The following CDH13 variants were observed in gnomAD, a reference collection of about 807,000 sequenced individuals.
CDH13 encodes cadherin 13, also known as cadherin-13.
In CDH13, 24 loss-of-function variants were observed where a neutral mutation model predicts 63.8. The observed-to-expected ratio is 0.38, with a 90% confidence interval of 0.27 to 0.53. CDH13 has a LOEUF of 0.53. Ranked by LOEUF, CDH13 falls within the 20% of genes least tolerant of loss-of-function variation. The probability of loss-of-function intolerance (pLI) is 0.85; values close to 1 mark genes in which losing one functional copy is unlikely to be tolerated. For missense variants in CDH13, 1,049 were observed against 903.1 expected, an observed-to-expected ratio of 1.16 and a Z score of -2.07; for synonymous variants, 503 against 355.3, an observed-to-expected ratio of 1.42 and a Z score of -4.67.
chr16:83,303,436 C>G (rs1271326178), intron 5 of CDH13, among the ~76,000 whole-genome samples: 10 of 152,076 alleles, frequency 6.6e-5, no homozygotes, highest in Admixed American at 6.6e-4. Context: ...AATGAATAAG[C>G]CCAGTGCTGA....
At chr16:83,009,176 C>T (rs1355127284) in intron 2 of CDH13, among the ~76,000 whole-genome samples, 1 of 152,158 alleles carries the variant, frequency 6.6e-6, no homozygotes, top group African/African-American at 2.4e-5. Flanking sequence ...CTACTTCATT[C>T]AAGAGAATGA....
Position 83,477,046 on chromosome 16 carries a change from G to A in CDH13, c.782-9431G>A, listed in dbSNP as rs912093132. ...AAATGAATCATGATGGGGGACCCCA[G>A]TTTTGGCCATGTGTCACCTAATATG... On this transcript the variant is annotated intron_variant, in intron 6 of 13. Transcript: ENST00000567109. 5.3e-5 allele frequency among the ~76,000 whole-genome samples: 8 copies of A among 152,180 alleles called. No homozygotes were observed. The South Asian group carries it at 1.7e-3, about 32-fold the overall frequency.
chr16:83,605,957 C>T (rs1249628781), intron 8 of CDH13, among the ~76,000 whole-genome samples: 1 of 152,084 alleles, frequency 6.6e-6, no homozygotes. Context: ...GGGACAAAAG[C>T]GAGAGAGACC....
At chr16:83,493,918 T>G (rs9924681) in intron 7 of CDH13, among the ~76,000 whole-genome samples, 152,188 of 152,308 alleles carry the variant, frequency 1, 76,034 homozygotes, top group Middle Eastern at 1. Flanking sequence ...CTGATGGAGA[T>G]AAGAGCTGAG....
At chr16:82,900,315 C>G (rs1455663710) in intron 2 of CDH13, among the ~76,000 whole-genome samples, 1 of 152,124 alleles carries the variant, frequency 6.6e-6, no homozygotes, top group African/African-American at 2.4e-5. Flanking sequence ...ACAAACAGGC[C>G]AAGCCAAATA....
At position 83,138,259 on chromosome 16, in the gene CDH13, G is replaced by C. The variant is rs11865191; in HGVS notation, c.483+12758G>C. Among the ~76,000 whole-genome samples the C allele has an allele frequency of 3.0e-3, 463 of 152,270 alleles. 1 individual carries two copies. The highest frequency in any genetic ancestry group is 0.011 in the African/African-American group (448 of 41,552). ...GAAATATTTACTGAGCAACTACTAT[G>C]TGTCAAGCACTGCACTGGCTACTGC... On this transcript the variant is annotated intron_variant, in intron 4 of 13. Coordinates refer to ENST00000567109, the MANE Select transcript of CDH13 (RefSeq NM_001257.5).
intron 3 of CDH13, among the ~76,000 whole-genome samples, chr16:83,108,390 A>T (rs1000716702): frequency 6.6e-6 from 1 of 152,228 alleles, no homozygotes; most frequent in African/African-American, 2.4e-5. Context: ...GCTCACAGCC[A>T]CATAAAAGGG....
At chr16:83,078,418 C>A (rs367818764) in intron 3 of CDH13, among the ~76,000 whole-genome samples, 2 of 152,198 alleles carry the variant, frequency 1.3e-5, no homozygotes, top group Non-Finnish European at 2.9e-5. Context: ...AAGGAACGTG[C>A]GACCTAGATC....
chr16:82,886,477 A>T (rs1030472335), intron 2 of CDH13, among the ~76,000 whole-genome samples: 2 of 152,138 alleles, frequency 1.3e-5, no homozygotes, highest in Non-Finnish European at 2.9e-5. Context: ...TTATTTGATC[A>T]CCAGCAAAGT....
intron 7 of CDH13, among the ~76,000 whole-genome samples, chr16:83,498,861 G>A (rs2074207612): frequency 6.6e-6 from 1 of 152,192 alleles, no homozygotes. Context: ...TATGGGCCAG[G>A]TGGGCTTTTT....
intron 7 of CDH13, among the ~76,000 whole-genome samples, chr16:83,584,303 CG>C (rs1753350105): frequency 6.6e-6 from 1 of 152,044 alleles, no homozygotes; most frequent in African/African-American, 2.4e-5. Context: ...CACTCCAGCC[CG>C]GGCAATAGAG....
chr16:82,786,045 G>T (rs1389931717), intron 1 of CDH13, among the ~76,000 whole-genome samples: 2 of 152,188 alleles, frequency 1.3e-5, no homozygotes, highest in Non-Finnish European at 2.9e-5. Context: ...GAGTGCTTTG[G>T]CAGGAGTCAA....
intron 9 of CDH13, among the ~76,000 whole-genome samples, chr16:83,675,065 C>T (rs186209096): frequency 2.3e-4 from 35 of 152,268 alleles, no homozygotes; most frequent in Admixed American, 2.2e-3. Flanking sequence ...TACACCCTCT[C>T]TTGTCACTTG....
At chr16:83,495,189 G>T (rs2074107348) in intron 7 of CDH13, among the ~76,000 whole-genome samples, 2 of 152,256 alleles carry the variant, frequency 1.3e-5, no homozygotes, top group Non-Finnish European at 1.5e-5. Context: ...AGGTGGTCGG[G>T]CCACAAATAA....
intron 3 of CDH13, among the ~76,000 whole-genome samples, chr16:83,065,663 C>A (rs1419069506): frequency 6.6e-6 from 1 of 150,704 alleles, no homozygotes; most frequent in Non-Finnish European, 1.5e-5. Context: ...CAAGATCGTG[C>A]CACTGCATTC....
intron 1 of CDH13, among the ~76,000 whole-genome samples, chr16:82,661,848 A>C (rs1198582496): frequency 6.6e-6 from 1 of 152,254 alleles, no homozygotes; most frequent in African/African-American, 2.4e-5. Context: ...GGAACAACTA[A>C]GGTATGTCCT....
intron 2 of CDH13, among the ~76,000 whole-genome samples, chr16:83,008,512 A>G (rs1436222274): frequency 6.6e-6 from 1 of 152,210 alleles, no homozygotes; most frequent in African/African-American, 2.4e-5. Flanking sequence ...AAATGCGTAC[A>G]ACAAAGTATG....
At chr16:82,682,793 G>T (rs191795095) in intron 1 of CDH13, among the ~76,000 whole-genome samples, 14 of 152,296 alleles carry the variant, frequency 9.2e-5, no homozygotes, top group Admixed American at 9.2e-4. Context: ...TTCTGAGAAG[G>T]CCTAGCCCTC....
chr16:83,254,558 C>T (rs765748018), intron 5 of CDH13, among the ~76,000 whole-genome samples: 14 of 152,214 alleles, frequency 9.2e-5, no homozygotes, highest in Non-Finnish European at 2.9e-5. Context: ...GGCATGCTGT[C>T]ACCATCTCCT....
Sources: allele counts gnomAD v4.1 joint callset (sites outside exome capture counted in the v4.1 genomes callset), GRCh38; gene constraint gnomAD v4.1.1; transcripts MANE v1.5; gene names NCBI Gene and HGNC (gene_info 2026-07-23, HGNC 2026-07-21).